EPHA6: variants seen among roughly 807,000 people sequenced by gnomAD.
The protein encoded by EPHA6 is EPH receptor A6.
EPHA6 carries 50 observed loss-of-function variants against 112.0 expected under a neutral mutation model. The observed-to-expected ratio is 0.45, with a 90% CI of 0.36 to 0.56. The LOEUF (loss-of-function observed/expected upper bound fraction) is 0.56. Among genes scored for constraint, EPHA6 ranks in the 20% least tolerant of loss-of-function variants. The pLI is 0.00. For missense variants in EPHA6, 1,280 were observed against 1,417.4 expected, an observed-to-expected ratio of 0.90 and a Z score of 1.56; for synonymous variants, 529 against 490.7, an observed-to-expected ratio of 1.08 and a Z score of -1.03.
At chr3:96,947,639 C>T (rs1227344592) in intron 2 of EPHA6, among the ~76,000 whole-genome samples, 1 of 152,062 alleles carries the variant, frequency 6.6e-6, no homozygotes, top group Non-Finnish European at 1.5e-5. Flanking sequence ...GAGTGAACTC[C>T]CATTCACAAT....
intron 16 of EPHA6, among the ~76,000 whole-genome samples, chr3:97,746,117 C>A (rs551144063): frequency 1.3e-5 from 2 of 151,890 alleles, no homozygotes; most frequent in East Asian, 3.9e-4. Context: ...TTTGTAGATT[C>A]TTTCATTCTT....
At chr3:97,258,234 G>A (rs900947423) in intron 5 of EPHA6, among the ~76,000 whole-genome samples, 2 of 146,072 alleles carry the variant, frequency 1.4e-5, no homozygotes, top group Non-Finnish European at 3.0e-5. Context: ...AGGTGATTGT[G>A]TATGAGTATA....
At chr3:97,726,941 G>A (rs1198821649) in intron 15 of EPHA6, among the ~76,000 whole-genome samples, 1 of 152,042 alleles carries the variant, frequency 6.6e-6, no homozygotes, top group African/African-American at 2.4e-5. Flanking sequence ...CTTAGCTCAA[G>A]CTAATGATCT....
At chr3:96,948,720 T>C (rs957935022) in intron 2 of EPHA6, among the ~76,000 whole-genome samples, 1 of 152,168 alleles carries the variant, frequency 6.6e-6, no homozygotes. Flanking sequence ...AGATCTAAGA[T>C]AAATGAAAAT....
intron 11 of EPHA6, among the ~76,000 whole-genome samples, chr3:97,537,245 T>G (rs1467491293): frequency 6.6e-6 from 1 of 152,198 alleles, no homozygotes; most frequent in Admixed American, 6.5e-5. Flanking sequence ...ATTTTACTGA[T>G]ATACATTAGA....
intron 14 of EPHA6, chr3:97,648,259 T>C (rs1196973083): frequency 3.5e-6 from 3 of 853,648 alleles, no homozygotes; most frequent in Admixed American, 3.5e-5. Flanking sequence ...TGTTAACATC[T>C]TAATTCTGTT....
chr3:96,830,782 TG>T (rs151321445), intron 1 of EPHA6, among the ~76,000 whole-genome samples: 2,298 of 151,502 alleles, frequency 0.015, 65 homozygotes, highest in African/African-American at 0.052. Context: ...TAAGGGGAAA[TG>T]GGGGGGACAT....
At chr3:97,192,770 G>C (rs549907696) in intron 3 of EPHA6, among the ~76,000 whole-genome samples, 1 of 152,104 alleles carries the variant, frequency 6.6e-6, no homozygotes, top group African/African-American at 2.4e-5. Flanking sequence ...TTAGATTTAC[G>C]TTTTTAATCA....
At chr3:97,163,101 C>T (rs1368817250) in intron 3 of EPHA6, among the ~76,000 whole-genome samples, 3 of 152,050 alleles carry the variant, frequency 2.0e-5, no homozygotes, top group Admixed American at 2.0e-4. Flanking sequence ...TCACTCCCCT[C>T]ACATATTTAC....
intron 3 of EPHA6, among the ~76,000 whole-genome samples, chr3:97,108,449 T>C (rs2047630663): frequency 6.6e-6 from 1 of 152,170 alleles, no homozygotes; most frequent in African/African-American, 2.4e-5. Context: ...TTTATTGCAT[T>C]ATATACCCTA....
At chr3:97,079,869 A>G (rs1217716434) in intron 3 of EPHA6, among the ~76,000 whole-genome samples, 1 of 151,360 alleles carries the variant, frequency 6.6e-6, no homozygotes, top group Non-Finnish European at 1.5e-5. Flanking sequence ...CAAAAAAATT[A>G]TGACTTGCTG....
At chr3:97,657,451 T>C (rs1268954150) in intron 14 of EPHA6, among the ~76,000 whole-genome samples, 2 of 151,818 alleles carry the variant, frequency 1.3e-5, no homozygotes, top group Admixed American at 1.3e-4. Flanking sequence ...AATATGGATA[T>C]GGAGTCATTA....
intron 3 of EPHA6, among the ~76,000 whole-genome samples, chr3:97,085,619 C>T (rs1342281049): frequency 1.4e-5 from 2 of 147,864 alleles, no homozygotes; most frequent in African/African-American, 5.3e-5. Flanking sequence ...AACTTATAGA[C>T]CTTAAACTTT....
intron 14 of EPHA6, among the ~76,000 whole-genome samples, chr3:97,706,439 G>A (rs897508362): frequency 1.6e-4 from 24 of 152,178 alleles, no homozygotes; most frequent in Admixed American, 2.6e-4. Context: ...CGTTTCTAGT[G>A]ATGGTAACAT....
rs529167664 is a variant in EPHA6, at chr3:97,533,178, G to C, written c.2386+635G>C. On this transcript the variant is annotated intron_variant, in intron 11 of 17. Coordinates refer to ENST00000389672, the MANE Select transcript of EPHA6 (RefSeq NM_001080448.3). ...ATTCACTTTCATTTGAAAAATGATA[G>C]GGCATAAAATATGACAATATTTCTC... is the stretch of plus-strand genomic sequence containing the variant. Among the ~76,000 whole-genome samples, 187 of 151,844 alleles carry C rather than the reference G, an allele frequency of 1.2e-3. 2 individuals are homozygous for C. Among genetic ancestry groups the C allele is most frequent in the African/African-American group, 4.3e-3 (179 of 41,470 alleles).
At chr3:96,832,788 C>A (rs2034169995) in intron 1 of EPHA6, among the ~76,000 whole-genome samples, 1 of 151,864 alleles carries the variant, frequency 6.6e-6, no homozygotes, top group African/African-American at 2.4e-5. Context: ...TTTAAGACTG[C>A]CAATGTTTCA....
At chr3:96,832,540 A>G (rs575830467) in intron 1 of EPHA6, among the ~76,000 whole-genome samples, 1 of 152,206 alleles carries the variant, frequency 6.6e-6, no homozygotes, top group Non-Finnish European at 1.5e-5. Context: ...GGCTTATGCT[A>G]AATCCACAAT....
At position 97,282,903 on chromosome 3, in the gene EPHA6, T is replaced by C. The variant is rs113498186; in HGVS notation, c.1606+38616T>C. Among the ~76,000 whole-genome samples, 324 of 152,204 alleles carry C rather than the reference T, an allele frequency of 2.1e-3. 4 individuals are homozygous for C. Among genetic ancestry groups the C allele is most frequent in the African/African-American group, 7.2e-3 (297 of 41,520 alleles). ...CATGCAGGGCTTAATATCTAGGTGA[T>C]AGGTTGATAGGTACAGCAAACCACC... is the stretch of plus-strand genomic sequence containing the variant. On this transcript the variant is annotated intron_variant, in intron 5 of 17. Transcript: ENST00000389672.
At chr3:96,916,590 A>G (rs2039493423) in intron 2 of EPHA6, among the ~76,000 whole-genome samples, 1 of 152,128 alleles carries the variant, frequency 6.6e-6, no homozygotes, top group Non-Finnish European at 1.5e-5. Flanking sequence ...AGAAAAAAAC[A>G]AGGAGCTGGG....
Sources: gnomAD v4.1 joint callset for allele counts (sites outside exome capture counted in the v4.1 genomes callset) on GRCh38, gnomAD v4.1.1 for gene constraint, MANE v1.5 for transcripts, NCBI Gene and HGNC (gene_info 2026-07-23, HGNC 2026-07-21) for gene names.